CSMD1: variants seen among roughly 807,000 people sequenced by gnomAD.
CSMD1 encodes CUB and sushi domain-containing protein 1.
A neutral mutation model predicts 417.5 loss-of-function variants in CSMD1; 213 were observed. That is an observed-to-expected ratio of 0.51 (90% CI 0.46 to 0.57). The LOEUF (loss-of-function observed/expected upper bound fraction) is 0.57. Among genes scored for constraint, CSMD1 ranks in the 20% least tolerant of loss-of-function variants. CSMD1 has a pLI of 0.00. For missense variants in CSMD1, 6,923 were observed against 4,529.7 expected (o/e 1.53, Z -15.17); for synonymous variants, 2,862 against 1,736.8 (o/e 1.65, Z -16.11).
intron 2 of CSMD1, among the ~76,000 whole-genome samples, chr8:4,485,996 C>T (rs1319176681): frequency 6.6e-6 from 1 of 151,582 alleles, no homozygotes; most frequent in Admixed American, 6.6e-5. Flanking sequence ...TTGTGAATCC[C>T]TCCTTATGTA....
chr8:3,879,274 T>G (rs1411499924), intron 5 of CSMD1, among the ~76,000 whole-genome samples: 1 of 152,204 alleles, frequency 6.6e-6, no homozygotes, highest in African/African-American at 2.4e-5. Flanking sequence ...TGTTCATCAA[T>G]ATGTATCAAT....
chr8:3,866,782 C>G (rs184233647), intron 5 of CSMD1, among the ~76,000 whole-genome samples: 4 of 152,158 alleles, frequency 2.6e-5, no homozygotes, highest in Non-Finnish European at 5.9e-5. Context: ...GGACTCTTTC[C>G]TTCAATAACG....
chr8:4,543,404 T>G (rs538981411), intron 2 of CSMD1, among the ~76,000 whole-genome samples: 1 of 152,244 alleles, frequency 6.6e-6, no homozygotes, highest in East Asian at 1.9e-4. Context: ...TTTGTAGCCT[T>G]TTCAGATTGG....
intron 3 of CSMD1, among the ~76,000 whole-genome samples, chr8:4,228,540 C>G (rs188854156): frequency 6.6e-6 from 1 of 152,082 alleles, no homozygotes; most frequent in Admixed American, 6.6e-5. Context: ...CTTCTACAAC[C>G]CACTGGCTGT....
intron 2 of CSMD1, among the ~76,000 whole-genome samples, chr8:4,617,532 G>C (rs1352208733): frequency 1.3e-5 from 2 of 152,060 alleles, no homozygotes; most frequent in African/African-American, 4.8e-5. Flanking sequence ...GTTTCTGTCT[G>C]GATTTGGCTT....
At chr8:3,869,141 G>A (rs1208832074) in intron 5 of CSMD1, among the ~76,000 whole-genome samples, 1 of 152,064 alleles carries the variant, frequency 6.6e-6, no homozygotes, top group Non-Finnish European at 1.5e-5. Flanking sequence ...AGCTCCACCT[G>A]TCTCCACACC....
At chr8:4,955,548 T>G (rs1215624273) in intron 1 of CSMD1, among the ~76,000 whole-genome samples, 1 of 151,980 alleles carries the variant, frequency 6.6e-6, no homozygotes, top group Non-Finnish European at 1.5e-5. Context: ...CTCCGCCTCC[T>G]GGGTTCAAGA....
At chr8:3,605,679 G>A (rs577957449) in intron 8 of CSMD1, among the ~76,000 whole-genome samples, 111 of 152,160 alleles carry the variant, frequency 7.3e-4, no homozygotes, top group African/African-American at 2.5e-3. Context: ...TGGTATCCTC[G>A]AGATAAAAAT....
At chr8:3,241,485 C>T (rs908450308) in intron 26 of CSMD1, among the ~76,000 whole-genome samples, 15 of 152,148 alleles carry the variant, frequency 9.9e-5, no homozygotes, top group Non-Finnish European at 2.1e-4. Context: ...AGTCTTCAGC[C>T]ACTAAGCCGA....
intron 1 of CSMD1, among the ~76,000 whole-genome samples, chr8:4,708,491 G>T (rs1035222251): frequency 2.4e-4 from 37 of 152,152 alleles, no homozygotes. Context: ...ATCCTGATAA[G>T]TCACAATAAC....
intron 27 of CSMD1, among the ~76,000 whole-genome samples, chr8:3,224,529 C>T (rs145999748): frequency 2.0e-5 from 3 of 152,254 alleles, no homozygotes; most frequent in Admixed American, 1.3e-4. Context: ...AAAACAAACC[C>T]CAAAAGTTTA....
chr8:4,366,910 G>C (rs979737263), intron 3 of CSMD1, among the ~76,000 whole-genome samples: 1 of 151,772 alleles, frequency 6.6e-6, no homozygotes, highest in Non-Finnish European at 1.5e-5. Flanking sequence ...TTCGTTTGCT[G>C]ATTTGTCTAA....
At chr8:3,291,944 G>C (rs1044589415) in intron 25 of CSMD1, among the ~76,000 whole-genome samples, 1 of 151,684 alleles carries the variant, frequency 6.6e-6, no homozygotes, top group Non-Finnish European at 1.5e-5. Context: ...GATCTTTCCT[G>C]CTTTCTCTTG....
chr8:3,764,254 G>A (rs1356911886), intron 5 of CSMD1, among the ~76,000 whole-genome samples: 1 of 152,128 alleles, frequency 6.6e-6, no homozygotes, highest in East Asian at 1.9e-4. Context: ...TTCTCTTCCA[G>A]CTACACACTG....
chr8:4,199,431 A>T (rs1484171539), intron 3 of CSMD1, among the ~76,000 whole-genome samples: 1 of 152,200 alleles, frequency 6.6e-6, no homozygotes, highest in Non-Finnish European at 1.5e-5. Context: ...CTGTCAAGTC[A>T]TGTAAGTCTA....
At chr8:4,042,616 G>C (rs1395158867) in intron 3 of CSMD1, among the ~76,000 whole-genome samples, 1 of 151,694 alleles carries the variant, frequency 6.6e-6, no homozygotes, top group East Asian at 1.9e-4. Flanking sequence ...TACCCGTATG[G>C]GGAATTATAA....
intron 6 of CSMD1, among the ~76,000 whole-genome samples, chr8:3,752,583 G>A (rs574621915): frequency 1.3e-5 from 2 of 150,626 alleles, no homozygotes; most frequent in East Asian, 2.0e-4. Context: ...GAGCCCAGGA[G>A]GTGGAGGTTG....
chr8:3,615,575 A>G (rs958729325), intron 8 of CSMD1, among the ~76,000 whole-genome samples: 2 of 152,222 alleles, frequency 1.3e-5, no homozygotes, highest in Non-Finnish European at 1.5e-5. Context: ...ATGTAAAACA[A>G]TATACCATTT....
chr8:3,296,008 T>C (rs1198889938), intron 25 of CSMD1, among the ~76,000 whole-genome samples: 1 of 151,754 alleles, frequency 6.6e-6, no homozygotes, highest in Admixed American at 6.6e-5. Context: ...AACCACAGCA[T>C]CCACAATAAT....
Sources: allele counts gnomAD v4.1 joint callset (sites outside exome capture counted in the v4.1 genomes callset), GRCh38; gene constraint gnomAD v4.1.1; transcripts MANE v1.5; gene names NCBI Gene and HGNC (gene_info 2026-07-23, HGNC 2026-07-21).